TACR3: variants seen among roughly 807,000 people sequenced by gnomAD.
TACR3 encodes tachykinin receptor 3.
A neutral mutation model predicts 35.0 loss-of-function variants in TACR3; 34 were observed. The observed-to-expected ratio is 0.97, with a 90% CI of 0.74 to 1.30. The LOEUF is 1.30. Among genes scored for constraint, TACR3 ranks in the 50% most tolerant of loss-of-function variants. The pLI, the probability that TACR3 is intolerant of heterozygous loss-of-function variation, is 0.00. For missense variants in TACR3, 558 were observed against 591.7 expected, an observed-to-expected ratio of 0.94 and a Z score of 0.59; for synonymous variants, 233 against 221.1, an observed-to-expected ratio of 1.05 and a Z score of -0.48.
Position 103,588,102 on chromosome 4 carries a change from T to C in TACR3, c.*1580A>G, listed in dbSNP as rs529053723. ...TTGTAACAATTGGATATTTCTGGTT[T>C]TGGCTTCAAAATAGGGAAGAGATTT... On this transcript the variant is annotated 3_prime_UTR_variant, in exon 5 of 5. Coordinates refer to ENST00000304883, the MANE Select transcript of TACR3 (RefSeq NM_001059.3). 6.6e-6 allele frequency: 1 copy of C among 152,104 alleles called. No individual in the cohort carries two copies. The highest frequency in any genetic ancestry group is 1.9e-4 in the East Asian group (1 of 5,176). The allele number at this position is 152,104 out of a possible 1,614,324, so 9.4% of individuals were successfully genotyped here.
At position 103,710,072 on chromosome 4, in the gene TACR3, T is replaced by A. The variant is rs148095654; in HGVS notation, c.548+9056A>T. 3.9e-5 allele frequency among the ~76,000 whole-genome samples: 6 copies of A among 152,052 alleles called. No homozygotes were observed. In the East Asian group the frequency reaches 1.2e-3, roughly 29 times the overall value. The stretch of plus-strand genomic sequence containing the variant: ...CAATAATAATGCAAGACTTTAACAC[T>A]CCCCTGTCAACATTAGACAGATCAA... On this transcript the variant is annotated intron_variant, in intron 1 of 4. Transcript: ENST00000304883.
intron 2 of TACR3, among the ~76,000 whole-genome samples, chr4:103,657,182 TA>T (rs1396901805): frequency 2.2e-4 from 33 of 151,846 alleles, no homozygotes; most frequent in African/African-American, 7.5e-4. Context: ...TTAAAGTAAT[TA>T]AAAAGTTTGT....
intron 3 of TACR3, among the ~76,000 whole-genome samples, chr4:103,653,689 T>G (rs1224924844): frequency 6.6e-6 from 1 of 151,692 alleles, no homozygotes; most frequent in African/African-American, 2.4e-5. Flanking sequence ...AAGCCAAAAT[T>G]GACAAATGGG....
At chr4:103,614,884 G>GTTTGTTTTTTTTTT (rs1724601485) in intron 3 of TACR3, among the ~76,000 whole-genome samples, 1 of 72,006 alleles carries the variant, frequency 1.4e-5, no homozygotes, top group African/African-American at 6.0e-5. Context: ...TTATGAATGT[G>GTTTGTTTTTTTTTT]TTTTTTTTTT....
chr4:103,593,730 C>T (rs1447052443), intron 3 of TACR3, among the ~76,000 whole-genome samples: 1 of 152,120 alleles, frequency 6.6e-6, no homozygotes, highest in Non-Finnish European at 1.5e-5. Context: ...CAAGCCGTTG[C>T]ACAATTGTCA....
rs1246180405 is a variant in TACR3, at chr4:103,598,229, T to C, written c.889-6546A>G. ...TGATGGTGAGCATTTTTTCATGTGT[T>C]TTTCGGCTGCATAAATGTCTTCTTT... is the stretch of plus-strand genomic sequence containing the variant. On this transcript the variant is annotated intron_variant, in intron 3 of 4. Transcript: ENST00000304883. Among the ~76,000 whole-genome samples, 6 of 152,306 alleles carry C rather than the reference T, an allele frequency of 3.9e-5. No individual in the cohort carries two copies. The South Asian group carries it at 1.0e-3, about 26-fold the overall frequency.
intron 3 of TACR3, among the ~76,000 whole-genome samples, chr4:103,634,253 C>A (rs1243480693): frequency 3.3e-5 from 5 of 152,050 alleles, no homozygotes; most frequent in Admixed American, 3.3e-4. Flanking sequence ...GCTTAAAAAT[C>A]TTTCTTTTAC....
intron 3 of TACR3, among the ~76,000 whole-genome samples, chr4:103,604,690 C>G (rs1261573680): frequency 6.6e-6 from 1 of 151,504 alleles, no homozygotes; most frequent in Admixed American, 6.6e-5. Flanking sequence ...AACAAATTTA[C>G]AAGAAAAAAA....
At chr4:103,605,001 C>T (rs867311186) in intron 3 of TACR3, among the ~76,000 whole-genome samples, 1 of 135,584 alleles carries the variant, frequency 7.4e-6, no homozygotes, top group Non-Finnish European at 1.5e-5. Context: ...CCACAACAGT[C>T]CCCAGAGTGT....
At chr4:103,634,662 A>G (rs1725139963) in intron 3 of TACR3, among the ~76,000 whole-genome samples, 1 of 152,088 alleles carries the variant, frequency 6.6e-6, no homozygotes, top group Non-Finnish European at 1.5e-5. Context: ...TAACTTCTTC[A>G]ACAATTGCTG....
At chr4:103,619,724 A>C (rs912256010) in intron 3 of TACR3, among the ~76,000 whole-genome samples, 1 of 152,174 alleles carries the variant, frequency 6.6e-6, no homozygotes, top group African/African-American at 2.4e-5. Flanking sequence ...GGTTTTTATC[A>C]TGAAGAAATT....
intron 3 of TACR3, among the ~76,000 whole-genome samples, chr4:103,608,120 A>T (rs1341211328): frequency 6.6e-6 from 1 of 152,202 alleles, no homozygotes; most frequent in Non-Finnish European, 1.5e-5. Flanking sequence ...TATGTTCGTT[A>T]CCACGCTATT....
intron 1 of TACR3, among the ~76,000 whole-genome samples, chr4:103,670,527 G>C (rs1726032465): frequency 6.6e-6 from 1 of 151,560 alleles, no homozygotes; most frequent in Non-Finnish European, 1.5e-5. Flanking sequence ...GAGATCTCTT[G>C]CTTCTTTGGT....
At chr4:103,598,894 T>G (rs1479354956) in intron 3 of TACR3, among the ~76,000 whole-genome samples, 8 of 152,248 alleles carry the variant, frequency 5.3e-5, no homozygotes, top group Non-Finnish European at 8.8e-5. Flanking sequence ...GCATGATGCC[T>G]CCAGCTTTGT....
chr4:103,653,827 C>A (rs933980074), intron 3 of TACR3, among the ~76,000 whole-genome samples: 3 of 151,398 alleles, frequency 2.0e-5, no homozygotes, highest in African/African-American at 7.4e-5. Flanking sequence ...CCAGAATCTA[C>A]AATGAACTCA....
intron 3 of TACR3, among the ~76,000 whole-genome samples, chr4:103,652,144 G>A (rs749657166): frequency 6.6e-6 from 1 of 151,998 alleles, no homozygotes; most frequent in Non-Finnish European, 1.5e-5. Context: ...TGTGAGCCCC[G>A]CACAGCACTA....
At chr4:103,612,266 T>G (rs1724530393) in intron 3 of TACR3, among the ~76,000 whole-genome samples, 1 of 152,206 alleles carries the variant, frequency 6.6e-6, no homozygotes, top group Non-Finnish European at 1.5e-5. Flanking sequence ...TATGTTGTCT[T>G]TCTTGCCTGG....
At chr4:103,617,315 G>A (rs1306922197) in intron 3 of TACR3, among the ~76,000 whole-genome samples, 1 of 152,136 alleles carries the variant, frequency 6.6e-6, no homozygotes. Flanking sequence ...AAGAAAGAGA[G>A]AAGCAAATGC....
At chr4:103,627,466 G>C (rs1246568908) in intron 3 of TACR3, among the ~76,000 whole-genome samples, 1 of 151,506 alleles carries the variant, frequency 6.6e-6, no homozygotes, top group African/African-American at 2.4e-5. Flanking sequence ...AGAGGTAGCA[G>C]TGAGCCAAGA....
Sources: gnomAD v4.1 joint callset for allele counts (sites outside exome capture counted in the v4.1 genomes callset) on GRCh38, gnomAD v4.1.1 for gene constraint, MANE v1.5 for transcripts, NCBI Gene and HGNC (gene_info 2026-07-23, HGNC 2026-07-21) for gene names.